Variants in DKK2 observed in about 807,000 individuals in gnomAD.
DKK2 encodes dickkopf Wnt signaling pathway inhibitor 2, also known as dickkopf-related protein 2.
Under a neutral mutation model 28.1 loss-of-function variants are expected in DKK2, and 11 were observed. The ratio of observed to expected loss-of-function variants is 0.39; its 90% CI spans 0.25 to 0.65. The LOEUF is 0.65. Among genes scored for constraint, DKK2 ranks in the 30% least tolerant of loss-of-function variants. DKK2 has a pLI of 0.47. For missense variants in DKK2, 326 were observed against 335.5 expected, an observed-to-expected ratio of 0.97 and a Z score of 0.22; for synonymous variants, 135 against 126.5, an observed-to-expected ratio of 1.07 and a Z score of -0.45.
chr4:106,998,020 G>T (rs1302439831), intron 1 of DKK2, among the ~76,000 whole-genome samples: 3 of 152,156 alleles, frequency 2.0e-5, no homozygotes, highest in Non-Finnish European at 4.4e-5. Context: ...TCTTAAAGCT[G>T]TCAGAACTGT....
intron 1 of DKK2, among the ~76,000 whole-genome samples, chr4:107,001,358 C>T (rs1723356997): frequency 6.6e-6 from 1 of 152,068 alleles, no homozygotes; most frequent in Non-Finnish European, 1.5e-5. Flanking sequence ...TTTTAAGCCA[C>T]CTAATTTGTG....
chr4:106,994,249 C>T (rs1024882041), intron 1 of DKK2, among the ~76,000 whole-genome samples: 1 of 152,158 alleles, frequency 6.6e-6, no homozygotes, highest in Admixed American at 6.5e-5. Context: ...AAAAGCCGAG[C>T]CTTCAGAGCT....
intron 1 of DKK2, among the ~76,000 whole-genome samples, chr4:106,970,270 A>G (rs1357374698): frequency 1.3e-5 from 2 of 152,142 alleles, no homozygotes; most frequent in East Asian, 3.9e-4. Context: ...TTAAGGAGAT[A>G]GATAAGCACT....
intron 1 of DKK2, among the ~76,000 whole-genome samples, chr4:107,013,202 A>C (rs1389529347): frequency 6.6e-6 from 1 of 151,348 alleles, no homozygotes; most frequent in Non-Finnish European, 1.5e-5. Context: ...ACTTGTATAG[A>C]ACCACAAAGG....
chr4:107,015,189 T>C (rs1459656663), intron 1 of DKK2, among the ~76,000 whole-genome samples: 3 of 151,602 alleles, frequency 2.0e-5, no homozygotes, highest in African/African-American at 7.2e-5. Flanking sequence ...AACCATAATG[T>C]TAAAGTTTCA....
intron 1 of DKK2, among the ~76,000 whole-genome samples, chr4:106,934,029 A>C (rs1578347019): frequency 1.3e-5 from 2 of 150,290 alleles, no homozygotes; most frequent in South Asian, 4.2e-4. Context: ...TACACACACT[A>C]TATATATATA....
At chr4:106,995,824 G>T (rs1723264405) in intron 1 of DKK2, among the ~76,000 whole-genome samples, 1 of 152,128 alleles carries the variant, frequency 6.6e-6, no homozygotes, top group African/African-American at 2.4e-5. Context: ...TGTTAGCCAG[G>T]ATGGTTTCAA....
At chr4:106,956,395 A>G (rs992867002) in intron 1 of DKK2, among the ~76,000 whole-genome samples, 1 of 152,180 alleles carries the variant, frequency 6.6e-6, no homozygotes, top group African/African-American at 2.4e-5. Context: ...GAATTGGAAA[A>G]AACTACTTTC....
chr4:106,933,504 C>T (rs184683623), intron 1 of DKK2, among the ~76,000 whole-genome samples: 80 of 152,110 alleles, frequency 5.3e-4, no homozygotes, highest in African/African-American at 1.5e-3. Flanking sequence ...TTGGGAGGAA[C>T]GCTGTGTGGA....
chr4:106,954,347 C>T (rs1348790615), intron 1 of DKK2, among the ~76,000 whole-genome samples: 13 of 152,002 alleles, frequency 8.6e-5, no homozygotes, highest in Admixed American at 8.5e-4. Context: ...AGTATTATCA[C>T]TTCTTTATTT....
At chr4:106,996,833 T>C (rs1723278257) in intron 1 of DKK2, among the ~76,000 whole-genome samples, 1 of 152,184 alleles carries the variant, frequency 6.6e-6, no homozygotes, top group Non-Finnish European at 1.5e-5. Flanking sequence ...TTAGTTTGAC[T>C]GAAAACATTA....
At chr4:106,951,210 T>C (rs1204956110) in intron 1 of DKK2, among the ~76,000 whole-genome samples, 1 of 152,112 alleles carries the variant, frequency 6.6e-6, no homozygotes, top group Non-Finnish European at 1.5e-5. Context: ...TCTATATATA[T>C]GTAAAAGAGA....
At chr4:107,013,763 A>G (rs1027621996) in intron 1 of DKK2, among the ~76,000 whole-genome samples, 14 of 151,554 alleles carry the variant, frequency 9.2e-5, no homozygotes, top group African/African-American at 3.1e-4. Flanking sequence ...AATCTACAAA[A>G]TGGGATAAAA....
chr4:106,925,838 G>T lies in DKK2; in HGVS notation c.334C>A (p.Arg112=). ...VCRRKKKRCH[R]DGMCCPSTRC... ...GTACTGGGGCAGCACATGCCATCTC[G>T]GTGGCAGCGCTTCTTTTTTCTCCGA... The change falls in exon 2 of 4, where the codon CGA becomes AGA. Residue 112 remains arginine, a synonymous_variant. Transcript: ENST00000285311. The T allele has an allele frequency of 1.9e-6, 3 of 1,613,418 alleles. No individual in the cohort carries two copies. Among genetic ancestry groups the T allele is most frequent in the Admixed American group, 1.7e-5 (1 of 59,920 alleles).
intron 1 of DKK2, among the ~76,000 whole-genome samples, chr4:106,969,821 T>C (rs562992542): frequency 3.3e-5 from 5 of 152,064 alleles, no homozygotes; most frequent in African/African-American, 1.2e-4. Context: ...TTTAAATAGG[T>C]CAGATATCTA....
At chr4:106,988,159 C>A (rs1025916810) in intron 1 of DKK2, among the ~76,000 whole-genome samples, 3 of 152,164 alleles carry the variant, frequency 2.0e-5, no homozygotes, top group Non-Finnish European at 4.4e-5. Flanking sequence ...CCACCGCACC[C>A]GGCCCAATGT....
chr4:106,953,903 A>G (rs900575461), intron 1 of DKK2, among the ~76,000 whole-genome samples: 2 of 152,196 alleles, frequency 1.3e-5, no homozygotes, highest in African/African-American at 4.8e-5. Context: ...TTCTTATGGT[A>G]AAAAGTCCTG....
intron 1 of DKK2, among the ~76,000 whole-genome samples, chr4:106,992,177 C>T (rs1032928485): frequency 2.0e-5 from 3 of 152,148 alleles, no homozygotes; most frequent in Non-Finnish European, 4.4e-5. Context: ...CTAGACTGCC[C>T]TAAGCCCCGG....
intron 1 of DKK2, among the ~76,000 whole-genome samples, chr4:106,965,510 T>A (rs1474050443): frequency 1.3e-5 from 2 of 152,176 alleles, no homozygotes; most frequent in Non-Finnish European, 2.9e-5. Context: ...ATTTATATAA[T>A]TATTTCTGTT....
Sources: gnomAD v4.1 joint callset for allele counts (sites outside exome capture counted in the v4.1 genomes callset) on GRCh38, gnomAD v4.1.1 for gene constraint, MANE v1.5 for transcripts, NCBI Gene and HGNC (gene_info 2026-07-23, HGNC 2026-07-21) for gene names.